PTPRD: variants seen among roughly 807,000 people sequenced by gnomAD.
The protein encoded by PTPRD is receptor-type tyrosine-protein phosphatase delta.
A neutral mutation model predicts 214.5 loss-of-function variants in PTPRD; 34 were observed. The observed-to-expected ratio is 0.16, with a 90% CI of 0.12 to 0.21. PTPRD has a LOEUF of 0.21. Among genes scored for constraint, PTPRD ranks in the 10% least tolerant of loss-of-function variants. The pLI is 1.00. For missense variants in PTPRD, 2,545 were observed against 2,398.7 expected, an observed-to-expected ratio of 1.06 and a Z score of -1.27; for synonymous variants, 1,128 against 845.7, an observed-to-expected ratio of 1.33 and a Z score of -5.79.
At chr9:10,531,725 T>C (rs1293451550) in intron 2 of PTPRD, among the ~76,000 whole-genome samples, 1 of 152,168 alleles carries the variant, frequency 6.6e-6, no homozygotes, top group African/African-American at 2.4e-5. Flanking sequence ...CTGGGTGCAA[T>C]TTTCTGTGTT....
intron 14 of PTPRD, among the ~76,000 whole-genome samples, chr9:8,576,658 T>C (rs901277524): frequency 6.8e-6 from 1 of 147,156 alleles, no homozygotes; most frequent in African/African-American, 2.5e-5. Flanking sequence ...AAATCCATAT[T>C]TGCATATCCG....
chr9:9,381,213 C>G (rs2062122063), intron 9 of PTPRD, among the ~76,000 whole-genome samples: 1 of 151,972 alleles, frequency 6.6e-6, no homozygotes. Context: ...TGTTTTAATA[C>G]TATTAAATTT....
At chr9:9,123,625 A>G (rs1425356887) in intron 10 of PTPRD, among the ~76,000 whole-genome samples, 1 of 152,192 alleles carries the variant, frequency 6.6e-6, no homozygotes, top group Non-Finnish European at 1.5e-5. Flanking sequence ...AACTGAACAT[A>G]TTATATCTTA....
intron 3 of PTPRD, among the ~76,000 whole-genome samples, chr9:10,281,803 T>A (rs2095127761): frequency 1.3e-5 from 2 of 152,196 alleles, no homozygotes; most frequent in South Asian, 4.1e-4. Flanking sequence ...ACTACAATTT[T>A]AAAAATGACT....
rs116549574 is a variant in PTPRD, at chr9:8,608,676, T to A, written c.352+24641A>T. Among the ~76,000 whole-genome samples, 846 of 152,236 alleles carry A rather than the reference T, an allele frequency of 5.6e-3. 15 individuals are homozygous for A. The highest frequency in any genetic ancestry group is 0.02 in the African/African-American group (812 of 41,532). On this transcript the variant is annotated intron_variant, in intron 14 of 45. Transcript: ENST00000381196. Reference sequence around the variant, plus strand: ...AAAATCACGGCGTTTAGTACATGAATAGCAGTTGCCATTAGAGTACTGACG... The same window carrying A: ...AAAATCACGGCGTTTAGTACATGAAAAGCAGTTGCCATTAGAGTACTGACG...
intron 2 of PTPRD, among the ~76,000 whole-genome samples, chr9:10,369,121 A>T (rs1220869961): frequency 6.6e-6 from 1 of 152,082 alleles, no homozygotes; most frequent in African/African-American, 2.4e-5. Context: ...AGATGTATAG[A>T]CTAGTTCTTG....
chr9:8,512,889 T>C (rs946531337), intron 21 of PTPRD, among the ~76,000 whole-genome samples: 2 of 152,068 alleles, frequency 1.3e-5, no homozygotes, highest in Admixed American at 1.3e-4. Flanking sequence ...TTTAACTTAC[T>C]ACTTCTTTGT....
intron 12 of PTPRD, among the ~76,000 whole-genome samples, chr9:8,694,750 G>C (rs560692867): frequency 6.6e-6 from 1 of 152,180 alleles, no homozygotes; most frequent in East Asian, 1.9e-4. Flanking sequence ...ATGGGTGTTG[G>C]CAAATCTGTA....
chr9:9,009,824 G>C (rs1490625058), intron 11 of PTPRD, among the ~76,000 whole-genome samples: 2 of 151,862 alleles, frequency 1.3e-5, no homozygotes, highest in African/African-American at 2.4e-5. Flanking sequence ...AAAAATACTA[G>C]ATAATAAGCT....
intron 11 of PTPRD, among the ~76,000 whole-genome samples, chr9:8,772,988 C>G (rs1445373474): frequency 6.6e-6 from 1 of 151,986 alleles, no homozygotes. Flanking sequence ...AATTTTTCCC[C>G]ACTTCTGAAG....
At chr9:10,437,074 A>T (rs992706160) in intron 2 of PTPRD, among the ~76,000 whole-genome samples, 9 of 151,712 alleles carry the variant, frequency 5.9e-5, no homozygotes, top group Non-Finnish European at 1.2e-4. Context: ...AACTTGACCT[A>T]ATTTTACAAT....
intron 2 of PTPRD, among the ~76,000 whole-genome samples, chr9:10,505,406 C>T (rs1434204834): frequency 6.6e-6 from 1 of 152,140 alleles, no homozygotes; most frequent in Non-Finnish European, 1.5e-5. Context: ...CTCCACTGAT[C>T]CTTTAAGAAT....
chr9:8,332,303 A>T (rs2072489950), intron 43 of PTPRD, among the ~76,000 whole-genome samples: 1 of 152,046 alleles, frequency 6.6e-6, no homozygotes, highest in African/African-American at 2.4e-5. Flanking sequence ...TCTGACACAA[A>T]CCCGGTAGTT....
intron 4 of PTPRD, among the ~76,000 whole-genome samples, chr9:10,006,497 C>T (rs1207958392): frequency 1.3e-5 from 2 of 151,942 alleles, no homozygotes; most frequent in Admixed American, 6.6e-5. Context: ...TTAGAATAAG[C>T]TATATTTGGA....
At chr9:8,538,850 T>C (rs1445090646) in intron 14 of PTPRD, among the ~76,000 whole-genome samples, 3 of 151,896 alleles carry the variant, frequency 2.0e-5, no homozygotes, top group African/African-American at 7.2e-5. Flanking sequence ...CATTCTCCAG[T>C]TGAAAGGAAA....
At chr9:8,561,681 T>C (rs1394017867) in intron 14 of PTPRD, among the ~76,000 whole-genome samples, 1 of 151,776 alleles carries the variant, frequency 6.6e-6, no homozygotes, top group Non-Finnish European at 1.5e-5. Context: ...GCGTCAGTGA[T>C]TCAGTGATAT....
At chr9:9,230,677 G>C (rs569397382) in intron 9 of PTPRD, among the ~76,000 whole-genome samples, 5 of 152,064 alleles carry the variant, frequency 3.3e-5, no homozygotes, top group African/African-American at 1.2e-4. Context: ...TTGGAGAATT[G>C]CTTGGTACGG....
chr9:9,266,543 C>G (rs1416328661), intron 9 of PTPRD, among the ~76,000 whole-genome samples: 1 of 149,042 alleles, frequency 6.7e-6, no homozygotes, highest in Non-Finnish European at 1.5e-5. Context: ...GAAATTATAT[C>G]AAGCATCTTC....
intron 12 of PTPRD, among the ~76,000 whole-genome samples, chr9:8,687,487 G>A (rs2097705090): frequency 6.6e-6 from 1 of 152,180 alleles, no homozygotes; most frequent in Non-Finnish European, 1.5e-5. Flanking sequence ...GGTCTGTGAG[G>A]CTTCTTGCAC....
Sources: allele counts gnomAD v4.1 joint callset (sites outside exome capture counted in the v4.1 genomes callset), GRCh38; gene constraint gnomAD v4.1.1; transcripts MANE v1.5; gene names NCBI Gene and HGNC (gene_info 2026-07-23, HGNC 2026-07-21).